PMEPA1: variants seen among roughly 807,000 people sequenced by gnomAD.
PMEPA1 encodes protein TMEPAI.
In PMEPA1, 11 loss-of-function variants were observed where a neutral mutation model predicts 23.0. That is an observed-to-expected ratio of 0.48 (90% confidence interval 0.30 to 0.79). PMEPA1 has a LOEUF of 0.79. Ranked by LOEUF, PMEPA1 falls within the 30% of genes least tolerant of loss-of-function variation. PMEPA1 has a pLI of 0.06. For synonymous variants in PMEPA1, 204 were observed against 166.4 expected (o/e 1.23, Z -1.74); for missense variants, 377 against 390.9 (o/e 0.96, Z 0.30).
At chr20:57,681,757 A>C (rs868126366) in intron 1 of PMEPA1, among the ~76,000 whole-genome samples, 1 of 152,274 alleles carries the variant, frequency 6.6e-6, no homozygotes, top group African/African-American at 2.4e-5. Context: ...AAGGAACTGC[A>C]ACCTGGTCAG....
At chr20:57,709,119 G>T (rs2072127953) in intron 1 of PMEPA1, among the ~76,000 whole-genome samples, 1 of 152,038 alleles carries the variant, frequency 6.6e-6, no homozygotes, top group African/African-American at 2.4e-5. Context: ...TAAAGAGCCG[G>T]CCTAAATGCT....
intron 1 of PMEPA1, among the ~76,000 whole-genome samples, chr20:57,691,525 C>A (rs1341419321): frequency 6.6e-6 from 1 of 152,174 alleles, no homozygotes; most frequent in Non-Finnish European, 1.5e-5. Context: ...ACTGGCACCG[C>A]TCCTCTCCCC....
At chr20:57,684,258 G>C (rs1237639229) in intron 1 of PMEPA1, among the ~76,000 whole-genome samples, 1 of 151,300 alleles carries the variant, frequency 6.6e-6, no homozygotes, top group Non-Finnish European at 1.5e-5. Context: ...AATGACAATA[G>C]TTTTCACGGG....
intron 2 of PMEPA1, among the ~76,000 whole-genome samples, chr20:57,654,460 G>A (rs548875197): frequency 6.6e-6 from 1 of 152,126 alleles, no homozygotes; most frequent in African/African-American, 2.4e-5. Flanking sequence ...TGGCCACTAG[G>A]AGGCTCTGTG....
Position 57,655,041 on chromosome 20 carries a change from C to CG in PMEPA1, c.265-1956_265-1955insC, listed in dbSNP as rs11481013. Among the ~76,000 whole-genome samples the CG allele has an allele frequency of 0.041, 6,193 of 152,148 alleles. 160 individuals carry two copies. Among genetic ancestry groups the CG allele is most frequent in the African/African-American group, 0.071 (2,936 of 41,484 alleles). Reference sequence around the variant, plus strand: ...AACCCCTTACCGAGGCCCATACCCCCTAGATGTCCACGGCCGTAGTATAGC... The same window carrying CG: ...AACCCCTTACCGAGGCCCATACCCCCGTAGATGTCCACGGCCGTAGTATAGC... On this transcript the variant is annotated intron_variant, in intron 2 of 3. Transcript: ENST00000341744. This position sits in a 1 kb window ranked among gnomAD's most constrained non-coding sequence, Gnocchi z 4.2.
intron 1 of PMEPA1, among the ~76,000 whole-genome samples, chr20:57,684,851 G>A (rs531449797): frequency 6.6e-6 from 1 of 150,508 alleles, no homozygotes; most frequent in African/African-American, 2.5e-5. Flanking sequence ...TTGTGGGGAG[G>A]AGCTGGGAGG....
chr20:57,710,863 G>A, upstream of PMEPA1: 1 of 177,118 alleles, frequency 5.6e-6, no homozygotes. Context: ...CCCCTCCCTG[G>A]CCCACCTCCA....
At position 57,709,931 on chromosome 20, in the gene PMEPA1, G is replaced by A; in HGVS notation, c.-349C>T. The A allele has an allele frequency of 9.9e-7, 1 of 1,011,214 alleles. No individual in the cohort carries two copies. 62.6% of individuals were successfully genotyped at this position (1,011,214 alleles called of 1,614,324 possible). On this transcript the variant is annotated 5_prime_UTR_variant, in exon 1 of 4. Coordinates refer to ENST00000341744, the MANE Select transcript of PMEPA1 (RefSeq NM_020182.5). ...GCCGAGCGCCTCCGCCGCCGCCGCC[G>A]CCGCCGCCTCCTCCTCCTCATTCAA...
chr20:57,684,571 G>A (rs1488239858), intron 1 of PMEPA1, among the ~76,000 whole-genome samples: 6 of 152,210 alleles, frequency 3.9e-5, no homozygotes, highest in Non-Finnish European at 5.9e-5. Flanking sequence ...CCTGTTGGGC[G>A]GGTGATGGGT....
At chr20:57,665,662 G>A (rs203386) in intron 1 of PMEPA1, among the ~76,000 whole-genome samples, 1 of 151,928 alleles carries the variant, frequency 6.6e-6, no homozygotes, top group Non-Finnish European at 1.5e-5. Flanking sequence ...TCCCCTGATG[G>A]TCCCTGGAAA....
rs2071307906 is a variant in PMEPA1 at position 57,655,043 on chromosome 20, A to C, written c.265-1957T>G. The stretch of plus-strand genomic sequence containing the variant: ...CCCCTTACCGAGGCCCATACCCCCT[A>C]GATGTCCACGGCCGTAGTATAGCTG... On this transcript the variant is annotated intron_variant, in intron 2 of 3. Transcript: ENST00000341744. The surrounding 1 kb of genome is among the most constrained non-coding windows in gnomAD (Gnocchi z 4.2). 3.3e-5 allele frequency among the ~76,000 whole-genome samples: 5 copies of C among 150,282 alleles called. No homozygotes were observed. The South Asian group carries it at 1.0e-3, about 31-fold the overall frequency.
chr20:57,666,616 G>A (rs908044866), intron 1 of PMEPA1, among the ~76,000 whole-genome samples: 2 of 152,228 alleles, frequency 1.3e-5, no homozygotes, highest in African/African-American at 4.8e-5. Context: ...GAATGTGACT[G>A]ATCTTGGGGT....
At chr20:57,686,920 G>A (rs768102084) in intron 1 of PMEPA1, among the ~76,000 whole-genome samples, 73 of 152,268 alleles carry the variant, frequency 4.8e-4, no homozygotes, top group Non-Finnish European at 9.1e-4. Context: ...ACACCCAGAG[G>A]ACTTCTCCAG....
chr20:57,651,083 A>AT lies in PMEPA1; in HGVS notation c.*969dup, dbSNP rs2071220706. ...ATTCCTTCGGTAACAGTTTATTTTCATTTTTGGGAAAGGCAAAACCACTAC... is the reference window on the plus strand; with the variant it reads ...ATTCCTTCGGTAACAGTTTATTTTCATTTTTTGGGAAAGGCAAAACCACTAC... On this transcript the variant is annotated 3_prime_UTR_variant, in exon 4 of 4. Coordinates refer to ENST00000341744, the MANE Select transcript of PMEPA1 (RefSeq NM_020182.5). The AT allele has an allele frequency of 6.6e-6, 1 of 152,232 alleles. No homozygotes were observed. The highest frequency in any genetic ancestry group is 1.5e-5 in the Non-Finnish European group (1 of 68,050). 9.4% of individuals were successfully genotyped at this position (152,232 alleles called of 1,614,324 possible).
intron 1 of PMEPA1, among the ~76,000 whole-genome samples, chr20:57,674,132 C>G (rs954209917): frequency 1.3e-5 from 2 of 152,260 alleles, no homozygotes; most frequent in South Asian, 4.1e-4. Context: ...AAGCCCTGAC[C>G]CCTGGTGTGG....
rs1356244472 is a variant in PMEPA1, at chr20:57,682,408, A to G, written c.110-22711T>C. 3.3e-5 allele frequency among the ~76,000 whole-genome samples: 5 copies of G among 152,182 alleles called. No individual in the cohort carries two copies. The highest frequency in any genetic ancestry group is 6.5e-5 in the Admixed American group (1 of 15,290). ...GGAAATGACAGCCCGCTGCCCTTGC[A>G]TACCTAAGCACAAAGTCACTGGTAA... On this transcript the variant is annotated intron_variant, in intron 1 of 3. Coordinates refer to ENST00000341744, the MANE Select transcript of PMEPA1 (RefSeq NM_020182.5). The surrounding 1 kb of genome is among the most constrained non-coding windows in gnomAD (Gnocchi z 4.4).
chr20:57,651,998 G>A lies in PMEPA1; in HGVS notation c.*55C>T. The A allele has an allele frequency of 7.1e-7, 1 of 1,402,866 alleles. No individual in the cohort carries two copies. 86.9% of individuals were successfully genotyped at this position (1,402,866 alleles called of 1,614,324 possible). On this transcript the variant is annotated 3_prime_UTR_variant, in exon 4 of 4. Transcript: ENST00000341744. Reference sequence around the variant, plus strand: ...TCCTCTCACTCCTCTTCTAAGAAGCGCGGAGTGTTCTGCCTTTTCACCTAC... The same window carrying A: ...TCCTCTCACTCCTCTTCTAAGAAGCACGGAGTGTTCTGCCTTTTCACCTAC...
intron 2 of PMEPA1, 107 bp downstream of exon 2, chr20:57,659,436 C>T: frequency 7.9e-7 from 1 of 1,262,892 alleles, no homozygotes; most frequent in Non-Finnish European, 1.1e-6. Context: ...TCTTCCTGCC[C>T]TGAATCTGTT....
intron 1 of PMEPA1, among the ~76,000 whole-genome samples, chr20:57,684,215 T>G (rs2071767816): frequency 6.8e-6 from 1 of 147,628 alleles, no homozygotes; most frequent in African/African-American, 2.5e-5. Flanking sequence ...GGGAGGCGGG[T>G]GGAAATTTAT....
Sources: allele counts gnomAD v4.1 joint callset (sites outside exome capture counted in the v4.1 genomes callset), GRCh38; gene constraint gnomAD v4.1.1; non-coding constraint Gnocchi (gnomAD v3.1); transcripts MANE v1.5; gene names NCBI Gene and HGNC (gene_info 2026-07-23, HGNC 2026-07-21).